The following SIMC1 variants were observed in gnomAD, a reference collection of about 807,000 sequenced individuals.
SIMC1 encodes the protein SUMO interacting motifs containing 1.
In SIMC1, 55 loss-of-function variants were observed where a neutral mutation model predicts 82.3. The ratio of observed to expected loss-of-function variants is 0.67; its 90% confidence interval spans 0.54 to 0.84. The LOEUF is 0.84. SIMC1 is among the 40% of genes least tolerant of loss of function. The probability of loss-of-function intolerance (pLI) is 0.00; values close to 1 mark genes in which losing one functional copy is unlikely to be tolerated. For missense variants in SIMC1, 915 were observed against 1,107.2 expected, an observed-to-expected ratio of 0.83 and a Z score of 2.46; for synonymous variants, 353 against 426.3, an observed-to-expected ratio of 0.83 and a Z score of 2.12.
At chr5:176,292,672 G>C (rs530813320) in intron 2 of SIMC1, among the ~76,000 whole-genome samples, 1 of 152,042 alleles carries the variant, frequency 6.6e-6, no homozygotes, top group African/African-American at 2.4e-5. Flanking sequence ...AGCCTCCCGC[G>C]TAGCTGGGTT....
chr5:176,289,659 C>A lies in SIMC1; in HGVS notation c.135C>A (p.Phe45Leu). Residue 45 changes from phenylalanine to leucine, a missense_variant, in exon 2 of 10, where the codon TTC becomes TTA. This residue lies in a region of SIMC1 where 902 missense variants were observed against 1,040.3 expected (regional missense o/e 0.87). Coordinates refer to ENST00000429602, the MANE Select transcript of SIMC1 (RefSeq NM_001308195.2). ...TTCACACAATCCTTCAACAGGACTTCATTGACTTAACTAGAGAGACCAGAC... is the reference window on the plus strand; with the variant it reads ...TTCACACAATCCTTCAACAGGACTTAATTGACTTAACTAGAGAGACCAGAC... ...SGALPRRTVDFIDLTRETRPR... is the reference protein window; with the variant it reads ...SGALPRRTVDLIDLTRETRPR... The A allele has an allele frequency of 1.3e-6, 2 of 1,588,220 alleles. No individual in the cohort carries two copies. The highest frequency in any genetic ancestry group is 8.6e-7 in the Non-Finnish European group (1 of 1,167,154).
At chr5:176,324,781 G>T (rs919501376) in intron 7 of SIMC1, 24 bp downstream of exon 7, 9 of 1,518,354 alleles carry the variant, frequency 5.9e-6, no homozygotes, top group Non-Finnish European at 7.0e-6. Flanking sequence ...TTGTTGGGGA[G>T]AGCAGTTATT....
chr5:176,303,325 A>ATT (rs374155075), intron 4 of SIMC1, among the ~76,000 whole-genome samples: 12,400 of 123,116 alleles, frequency 0.1, 906 homozygotes, highest in Non-Finnish European at 0.14. Context: ...AGCCAAAGCA[A>ATT]TTTTTTTTTT....
At chr5:176,293,213 G>A (rs1763657700) in intron 2 of SIMC1, among the ~76,000 whole-genome samples, 1 of 152,090 alleles carries the variant, frequency 6.6e-6, no homozygotes, top group Admixed American at 6.6e-5. Flanking sequence ...CGTGGTCGGT[G>A]GATTGCTTGA....
At chr5:176,279,786 G>T (rs1372066248) in intron 1 of SIMC1, among the ~76,000 whole-genome samples, 2 of 151,876 alleles carry the variant, frequency 1.3e-5, no homozygotes, top group African/African-American at 4.8e-5. Context: ...GAGGAGTTTT[G>T]AGTGAGATTC....
chr5:176,255,720 C>A (rs1321397796), intron 1 of SIMC1, among the ~76,000 whole-genome samples: 2 of 97,572 alleles, frequency 2.0e-5, no homozygotes, highest in African/African-American at 3.0e-5. Context: ...ATGAGTACTC[C>A]TAAAAAAAAA....
intron 5 of SIMC1, among the ~76,000 whole-genome samples, chr5:176,318,888 C>G (rs1265563324): frequency 1.3e-5 from 2 of 152,150 alleles, no homozygotes; most frequent in Admixed American, 1.3e-4. Flanking sequence ...GGGTGGATCA[C>G]TTTGAGCTCA....
intron 4 of SIMC1, among the ~76,000 whole-genome samples, chr5:176,302,224 T>C (rs1764070666): frequency 6.6e-6 from 1 of 152,186 alleles, no homozygotes; most frequent in African/African-American, 2.4e-5. Flanking sequence ...GAGAGCCAAC[T>C]GTAAACCATG....
At chr5:176,322,553 A>G in intron 6 of SIMC1, 128 bp downstream of exon 6, 1 of 1,169,486 alleles carries the variant, frequency 8.6e-7, no homozygotes, top group Non-Finnish European at 1.1e-6. Flanking sequence ...ATGCTTATTC[A>G]AGACTTAGTT....
At chr5:176,322,212 A>T (rs766231519) in intron 5 of SIMC1, 61 bp from the exon 6 acceptor site, 263 of 1,338,264 alleles carry the variant, frequency 2.0e-4, no homozygotes, top group African/African-American at 1.2e-3. Context: ...TTCTTTCTTT[A>T]TTTTTTTTTT....
chr5:176,317,438 C>T (rs905161725), intron 5 of SIMC1, among the ~76,000 whole-genome samples: 3 of 152,066 alleles, frequency 2.0e-5, no homozygotes, highest in Admixed American at 6.5e-5. Flanking sequence ...TATTTACCCC[C>T]ATATGGCAAA....
At position 176,272,349 on chromosome 5, in the gene SIMC1, G is replaced by A. The variant is rs191653102; in HGVS notation, c.130-17305G>A. On this transcript the variant is annotated intron_variant, in intron 1 of 9. Coordinates refer to ENST00000429602, the MANE Select transcript of SIMC1 (RefSeq NM_001308195.2). ...TGTCTGTTTTTGGCACTTCTATTCA[G>A]AATTATACTGAATGCCTTAGCAATT... is the stretch of plus-strand genomic sequence containing the variant. Among the ~76,000 whole-genome samples, 43 of 148,106 alleles carry A rather than the reference G, an allele frequency of 2.9e-4. No individual in the cohort carries two copies. In the East Asian group the frequency reaches 8.2e-3, roughly 28 times the overall value.
chr5:176,290,698 T>C lies in SIMC1; in HGVS notation c.1174T>C (p.Ser392Pro), dbSNP rs2560201. Reference sequence around the variant, plus strand: ...GCCTATGGATATCTCAGCTCTGTCCTCTCCAAGCTGCTCTCCCAGCCCACA... The same window carrying C: ...GCCTATGGATATCTCAGCTCTGTCCCCTCCAAGCTGCTCTCCCAGCCCACA... ...DMPMDISALS[S>P]PSCSPSPQSE... is the part of the protein sequence containing the mutation. The change falls in exon 2 of 10, where the codon TCT (serine) becomes CCT (proline). Residue 392 changes from serine to proline, a missense_variant. Around this residue, in one of 2 missense-constraint regions of SIMC1, gnomAD observed 902 missense variants for 1,040.3 expected, o/e 0.87. Transcript: ENST00000429602. 19 of 1,613,840 alleles carry C rather than the reference T, an allele frequency of 1.2e-5. No individual in the cohort carries two copies. The South Asian group carries it at 1.3e-4, about 11-fold the overall frequency.
intron 1 of SIMC1, among the ~76,000 whole-genome samples, chr5:176,263,808 CA>C (rs1294391623): frequency 7.2e-5 from 11 of 152,272 alleles, no homozygotes; most frequent in Non-Finnish European, 1.3e-4. Flanking sequence ...ATTCCACTAT[CA>C]ATTTAAAAAA....
chr5:176,336,627 A>C, intron 7 of SIMC1, 93 bp from the exon 8 acceptor site: 1 of 1,502,248 alleles, frequency 6.7e-7, no homozygotes, highest in Non-Finnish European at 9.0e-7. Flanking sequence ...TGTCTTTTTT[A>C]GGACAAATGT....
At chr5:176,281,624 G>C (rs1345729717) in intron 1 of SIMC1, among the ~76,000 whole-genome samples, 3 of 152,152 alleles carry the variant, frequency 2.0e-5, no homozygotes, top group Non-Finnish European at 2.9e-5. Context: ...TGTCCTTTCT[G>C]TTTGTTAGTT....
intron 1 of SIMC1, among the ~76,000 whole-genome samples, chr5:176,265,691 A>G (rs1762181448): frequency 6.6e-6 from 1 of 152,180 alleles, no homozygotes; most frequent in Non-Finnish European, 1.5e-5. Context: ...CCCTCTGGCA[A>G]TACAACTGTT....
chr5:176,339,514 T>C (rs1375293127), intron 9 of SIMC1, among the ~76,000 whole-genome samples: 1 of 152,232 alleles, frequency 6.6e-6, no homozygotes, highest in African/African-American at 2.4e-5. Flanking sequence ...CAGTGAGGCT[T>C]ATGTAATTGT....
intron 1 of SIMC1, among the ~76,000 whole-genome samples, chr5:176,283,836 C>T (rs941299833): frequency 6.6e-6 from 1 of 152,034 alleles, no homozygotes; most frequent in South Asian, 2.1e-4. Flanking sequence ...GAAGATCTAC[C>T]AAGCAAATGG....
Sources: allele counts gnomAD v4.1 joint callset (sites outside exome capture counted in the v4.1 genomes callset), GRCh38; gene constraint gnomAD v4.1.1; regional missense constraint gnomAD v4.1.1; transcripts MANE v1.5; gene names NCBI Gene and HGNC (gene_info 2026-07-23, HGNC 2026-07-21).